The following HYAL2 variants were observed in gnomAD, a reference collection of about 807,000 sequenced individuals.
The protein encoded by HYAL2 is hyaluronidase 2, also known as hyaluronidase-2.
In HYAL2, 30 loss-of-function variants were observed where a neutral mutation model predicts 35.4. The ratio of observed to expected loss-of-function variants is 0.85; its 90% CI spans 0.63 to 1.15. HYAL2 has a LOEUF of 1.15. Ranked by LOEUF, HYAL2 falls within the 50% of genes most tolerant of loss-of-function variation. The probability of loss-of-function intolerance (pLI) is 0.00; values close to 1 mark genes in which losing one functional copy is unlikely to be tolerated. For synonymous variants in HYAL2, 262 were observed against 252.8 expected (o/e 1.04, Z -0.34); for missense variants, 635 against 646.5 (o/e 0.98, Z 0.19).
At position 50,318,798 on chromosome 3, in the gene HYAL2, G is replaced by A; in HGVS notation, c.1011+158C>T. ...CAGCATTTCCTCTTTCCTGAGAGCA[G>A]GGCCGGGGTGACCTCCTCCTGTTGC... On this transcript the variant is annotated intron_variant, in intron 3 of 3. Transcript: ENST00000357750. This position sits in a 1 kb window ranked among gnomAD's most constrained non-coding sequence, Gnocchi z 4.5. 1.4e-6 allele frequency: 1 copy of A among 721,178 alleles called. No homozygotes were observed. The highest frequency in any genetic ancestry group is 2.4e-6 in the Non-Finnish European group (1 of 417,962). 44.7% of individuals were successfully genotyped at this position (721,178 alleles called of 1,614,324 possible).
chr3:50,318,634 T>A lies in HYAL2; in HGVS notation c.1012-95A>T. 1 of 1,135,794 alleles carries A rather than the reference T, an allele frequency of 8.8e-7. No individual in the cohort carries two copies. 70.4% of individuals were successfully genotyped at this position (1,135,794 alleles called of 1,614,324 possible). A position where few individuals can be genotyped will look rare whatever the true frequency, so the allele number is the denominator to read the frequency against. On this transcript the variant is annotated intron_variant, in intron 3 of 3. Transcript: ENST00000357750. The surrounding 1 kb of genome is among the most constrained non-coding windows in gnomAD (Gnocchi z 4.5). ...TGTCCACACTGTGATGACTATACCTTATTTTAACTGCACACATTCATACAT... is the reference window on the plus strand; with the variant it reads ...TGTCCACACTGTGATGACTATACCTAATTTTAACTGCACACATTCATACAT...
In HYAL2 at chr3:50,317,915, C is replaced by T; in HGVS notation, c.*214G>A. On this transcript the variant is annotated 3_prime_UTR_variant, in exon 4 of 4. Coordinates refer to ENST00000357750, the MANE Select transcript of HYAL2 (RefSeq NM_003773.5). ...AGGTCCTCCCCAGCCCAGCTGTACC[C>T]TCCTTCCCCTCTGGCAGGGAGAGAA... 1.9e-6 allele frequency: 1 copy of T among 520,034 alleles called. No individual in the cohort carries two copies. Among genetic ancestry groups the T allele is most frequent in the Non-Finnish European group, 3.4e-6 (1 of 292,030 alleles). The allele number at this position is 520,034 out of a possible 1,614,324, so 32.2% of individuals were successfully genotyped here.
At position 50,318,988 on chromosome 3, in the gene HYAL2, G is replaced by A. The variant is rs782188386; in HGVS notation, c.979C>T (p.Leu327Phe). Residue 327 changes from leucine to phenylalanine, a missense_variant, in exon 3 of 4, where the codon CTC becomes TTC. Coordinates refer to ENST00000357750, the MANE Select transcript of HYAL2 (RefSeq NM_003773.5). This position sits in a 1 kb window ranked among gnomAD's most constrained non-coding sequence, Gnocchi z 4.5. ...SAALGAAGVILWGDAGYTTST... is the reference protein window; with the variant it reads ...SAALGAAGVIFWGDAGYTTST... ...GTGGTGTACCCCGCGTCACCCCAGA[G>A]GATGACACCAGCTGCGCCCAGGGCC... 1.2e-6 allele frequency: 2 copies of A among 1,613,160 alleles called. No homozygotes were observed. Among genetic ancestry groups the A allele is most frequent in the African/African-American group, 2.7e-5 (2 of 74,904 alleles).
Position 50,318,855 on chromosome 3 carries a change from A to G in HYAL2, c.1011+101T>C, listed in dbSNP as rs1553715974. The stretch of plus-strand genomic sequence containing the variant: ...GGATGCCTCGGGTGGGAGACAGACA[A>G]GGGGACCAGACTAGGATTGCCCACC... On this transcript the variant is annotated intron_variant, in intron 3 of 3. Transcript: ENST00000357750. The surrounding 1 kb of genome is among the most constrained non-coding windows in gnomAD (Gnocchi z 4.5). 4 of 1,029,546 alleles carry G rather than the reference A, an allele frequency of 3.9e-6. No homozygotes were observed. Among genetic ancestry groups the G allele is most frequent in the Non-Finnish European group, 4.5e-6 (3 of 660,352 alleles). 63.8% of individuals were successfully genotyped at this position (1,029,546 alleles called of 1,614,324 possible). A position where few individuals can be genotyped will look rare whatever the true frequency, so the allele number is the denominator to read the frequency against.
At position 50,319,981 on chromosome 3, in the gene HYAL2, C is replaced by A; in HGVS notation, c.509G>T (p.Arg170Leu). Residue 170 changes from arginine (R) to leucine (L), a missense_variant, in exon 2 of 4, where the codon CGC (arginine) becomes CTC (leucine). By Grantham distance (102) the Arg-to-Leu change is moderately radical. Transcript: ENST00000357750. ...CTCATATTGTGCCTGTTTGACTATG[C>A]GGTCTGGAGGCCAGTCAGGGTGACG... ...ASRHPDWPPD[R>L]IVKQAQYEFE... The A allele has an allele frequency of 1.9e-6, 3 of 1,613,416 alleles. No homozygotes were observed. Among genetic ancestry groups the A allele is most frequent in the Non-Finnish European group, 2.5e-6 (3 of 1,180,038 alleles).
chr3:50,320,561 G>A lies in HYAL2; in HGVS notation c.-46-26C>T. ...CTGGAAGAAGGGTTGGGGAGAACAAGTCAGTCTAGGGAATACTGGAAGTGC... is the reference window on the plus strand; with the variant it reads ...CTGGAAGAAGGGTTGGGGAGAACAAATCAGTCTAGGGAATACTGGAAGTGC... On this transcript the variant is annotated intron_variant, in intron 1 of 3. Transcript: ENST00000357750. The surrounding 1 kb of genome is among the most constrained non-coding windows in gnomAD (Gnocchi z 4.8). 7.4e-7 allele frequency: 1 copy of A among 1,355,546 alleles called. No homozygotes were observed. 84.0% of individuals were successfully genotyped at this position (1,355,546 alleles called of 1,614,324 possible).
chr3:50,321,592 T>G (rs1449941795), intron 1 of HYAL2: 2 of 152,124 alleles, frequency 1.3e-5, no homozygotes, highest in African/African-American at 4.8e-5. Flanking sequence ...GTGCCTCGTT[T>G]CGGGCTCGAA....
chr3:50,318,325 G>A lies in HYAL2; in HGVS notation c.1226C>T (p.Pro409Leu), dbSNP rs782378530. Residue 409 changes from proline (P) to leucine (L), a missense_variant, in exon 4 of 4, where the codon CCT becomes CTT. Transcript: ENST00000357750. The surrounding 1 kb of genome is among the most constrained non-coding windows in gnomAD (Gnocchi z 4.5). ...GTCGGCCCAACTGAGCTCCCCCACA[G>A]GTCGCAGCTGGGGTTCACCAGGTGC... is the stretch of plus-strand genomic sequence containing the variant. ...GHAPGEPQLRPVGELSWADID... is the reference protein window; with the variant it reads ...GHAPGEPQLRLVGELSWADID... The A allele has an allele frequency of 5.6e-6, 9 of 1,613,384 alleles. No individual in the cohort carries two copies. The East Asian group carries it at 1.6e-4, about 28-fold the overall frequency.
rs201520719 is a variant in HYAL2, at chr3:50,318,488, C to T, written c.1063G>A (p.Val355Met). ...TGGGTGGCCCAGGACACATTGACCA[C>T]GTAGGGGACCAGCAGCCGTGTCAGG... ...DYLTRLLVPYVVNVSWATQYC... is the reference protein window; with the variant it reads ...DYLTRLLVPYMVNVSWATQYC... The change falls in exon 4 of 4, where the codon GTG (valine) becomes ATG (methionine). Residue 355 changes from valine to methionine, a missense_variant. Transcript: ENST00000357750. This position sits in a 1 kb window ranked among gnomAD's most constrained non-coding sequence, Gnocchi z 4.5. The T allele has an allele frequency of 8.1e-6, 13 of 1,611,416 alleles. No homozygotes were observed. Among genetic ancestry groups the T allele is most frequent in the Admixed American group, 3.3e-5 (2 of 59,964 alleles).
At position 50,320,274 on chromosome 3, in the gene HYAL2, G is replaced by T; in HGVS notation, c.216C>A (p.Asn72Lys). Residue 72 changes from asparagine to lysine, a missense_variant, in exon 2 of 4, where the codon AAC becomes AAA. Transcript: ENST00000357750. This position sits in a 1 kb window ranked among gnomAD's most constrained non-coding sequence, Gnocchi z 4.8. ...CGCGGTAGAAGATGGTAATATTCTG[G>T]TTCACAAAACCCTCATTAGGTGAGG... ...VQASPNEGFV[N>K]QNITIFYRDR... 1.2e-6 allele frequency: 2 copies of T among 1,614,072 alleles called. No homozygotes were observed. The highest frequency in any genetic ancestry group is 1.7e-6 in the Non-Finnish European group (2 of 1,180,032).
chr3:50,318,837 T>TGGTGGCAACAGGAGGAGGTCACCC lies in HYAL2; in HGVS notation c.1011+118_1011+119insGGGTGACCTCCTCCTGTTGCCACC. 1.1e-6 allele frequency: 1 copy of TGGTGGCAACAGGAGGAGGTCACCC among 899,780 alleles called. No homozygotes were observed. The highest frequency in any genetic ancestry group is 1.8e-6 in the Non-Finnish European group (1 of 553,128). The allele number at this position is 899,780 out of a possible 1,614,324, so 55.7% of individuals were successfully genotyped here. Reference sequence around the variant, plus strand: ...TCCTCCTGTTGCCACCAGGGATGCCTCGGGTGGGAGACAGACAAGGGGACC... The same window carrying TGGTGGCAACAGGAGGAGGTCACCC: ...TCCTCCTGTTGCCACCAGGGATGCCTGGTGGCAACAGGAGGAGGTCACCCCGGGTGGGAGACAGACAAGGGGACC... On this transcript the variant is annotated intron_variant, in intron 3 of 3. Transcript: ENST00000357750. The surrounding 1 kb of genome is among the most constrained non-coding windows in gnomAD (Gnocchi z 4.5).
At position 50,320,929 on chromosome 3, in the gene HYAL2, G is replaced by C. The variant is rs1157841689; in HGVS notation, c.-46-394C>G. Reference sequence around the variant, plus strand: ...TGATCCAGAGAAACGACAGCATTTGGGTAAAGCAGGGAACAGCTCGTCAAG... The same window carrying C: ...TGATCCAGAGAAACGACAGCATTTGCGTAAAGCAGGGAACAGCTCGTCAAG... On this transcript the variant is annotated intron_variant, in intron 1 of 3. Coordinates refer to ENST00000357750, the MANE Select transcript of HYAL2 (RefSeq NM_003773.5). The surrounding 1 kb of genome is among the most constrained non-coding windows in gnomAD (Gnocchi z 4.8). 1 of 160,748 alleles carries C rather than the reference G, an allele frequency of 6.2e-6. No individual in the cohort carries two copies. The highest frequency in any genetic ancestry group is 1.3e-5 in the Non-Finnish European group (1 of 74,266). 10.0% of individuals were successfully genotyped at this position (160,748 alleles called of 1,614,324 possible).
chr3:50,321,421 C>A (rs1195588431), intron 1 of HYAL2: 4 of 152,182 alleles, frequency 2.6e-5, no homozygotes, highest in Admixed American at 6.5e-5. Context: ...CCGGGCCCAG[C>A]CCAGCCCGCT....
Position 50,319,859 on chromosome 3 carries a change from A to AG in HYAL2, c.630dup (p.Cys211LeufsTer5). ...TTCTGCACATAATCATGATTGTAGC[A>AG]GTCAGGAAAGAGGTAGAAGCCCCAG... is the stretch of plus-strand genomic sequence containing the variant. On this transcript the variant is annotated frameshift_variant, in exon 2 of 4. Transcript: ENST00000357750. LOFTEE classifies it high-confidence loss of function. 1 of 1,613,736 alleles carries AG rather than the reference A, an allele frequency of 6.2e-7. No individual in the cohort carries two copies. Among genetic ancestry groups the AG allele is most frequent in the Non-Finnish European group, 8.5e-7 (1 of 1,180,032 alleles).
chr3:50,319,568 C>A lies in HYAL2; in HGVS notation c.921+1G>T. Reference sequence around the variant, plus strand: ...AAAGGCAGGGCCCTGGAGACACATACCTCACTAAGCCCCGTGAGCCTGCGG... The same window carrying A: ...AAAGGCAGGGCCCTGGAGACACATAACTCACTAAGCCCCGTGAGCCTGCGG... On this transcript the variant is annotated splice_donor_variant, in intron 2 of 3. Coordinates refer to ENST00000357750, the MANE Select transcript of HYAL2 (RefSeq NM_003773.5). LOFTEE classifies it high-confidence loss of function. 3 of 1,607,280 alleles carry A rather than the reference C, an allele frequency of 1.9e-6. No homozygotes were observed. The highest frequency in any genetic ancestry group is 1.1e-5 in the South Asian group (1 of 90,658).
chr3:50,320,210 T>C lies in HYAL2; in HGVS notation c.280A>G (p.Arg94Gly). The change falls in exon 2 of 4, where the codon AGG (arginine) becomes GGG (glycine). Residue 94 changes from arginine to glycine, a missense_variant. Coordinates refer to ENST00000357750, the MANE Select transcript of HYAL2 (RefSeq NM_003773.5). This position sits in a 1 kb window ranked among gnomAD's most constrained non-coding sequence, Gnocchi z 4.8. ...TGTGGCACACCACCATGCACAGACC[T>C]TCCGGCAGAATCGAAGCGTGGATAC... The part of the protein sequence containing the change: ...GLYPRFDSAG[R>G]SVHGGVPQNV... 1.9e-6 allele frequency: 3 copies of C among 1,613,978 alleles called. No individual in the cohort carries two copies. The highest frequency in any genetic ancestry group is 2.5e-6 in the Non-Finnish European group (3 of 1,180,048).
chr3:50,319,575 A>G lies in HYAL2; in HGVS notation c.915T>C (p.Leu305=). The G allele has an allele frequency of 6.2e-7, 1 of 1,610,108 alleles. No individual in the cohort carries two copies. The highest frequency in any genetic ancestry group is 8.5e-7 in the Non-Finnish European group (1 of 1,177,408). The change falls in exon 2 of 4, where the codon CTT becomes CTC. Residue 305 remains leucine (L), a synonymous_variant. Transcript: ENST00000357750. ...RPTYSRRLTG[L]SEMDLISTIG... ...GGGCCCTGGAGACACATACCTCACT[A>G]AGCCCCGTGAGCCTGCGGCTGTAGG...
chr3:50,320,548 T>C lies in HYAL2; in HGVS notation c.-46-13A>G. ...ACCAGCTCAGGAACTGGAAGAAGGG[T>C]TGGGGAGAACAAGTCAGTCTAGGGA... is the stretch of plus-strand genomic sequence containing the variant. On this transcript the variant is annotated splice_polypyrimidine_tract_variant and intron_variant, in intron 1 of 3. Coordinates refer to ENST00000357750, the MANE Select transcript of HYAL2 (RefSeq NM_003773.5). The surrounding 1 kb of genome is among the most constrained non-coding windows in gnomAD (Gnocchi z 4.8). 1 of 1,426,100 alleles carries C rather than the reference T, an allele frequency of 7.0e-7. No individual in the cohort carries two copies. The highest frequency in any genetic ancestry group is 1.4e-5 in the African/African-American group (1 of 69,752). The allele number at this position is 1,426,100 out of a possible 1,614,324, so 88.3% of individuals were successfully genotyped here. A position where few individuals can be genotyped will look rare whatever the true frequency, so the allele number is the denominator to read the frequency against.
Position 50,318,022 on chromosome 3 carries a change from C to A in HYAL2, c.*107G>T. On this transcript the variant is annotated 3_prime_UTR_variant, in exon 4 of 4. Coordinates refer to ENST00000357750, the MANE Select transcript of HYAL2 (RefSeq NM_003773.5). The surrounding 1 kb of genome is among the most constrained non-coding windows in gnomAD (Gnocchi z 4.5). ...GATGCCCTCCTGGGCTTCCTGGGGG[C>A]TCTGCCCACTCCAGACTCCAGTTTG... The A allele has an allele frequency of 7.9e-7, 1 of 1,264,168 alleles. No homozygotes were observed. The highest frequency in any genetic ancestry group is 1.5e-5 in the South Asian group (1 of 67,732). The allele number at this position is 1,264,168 out of a possible 1,614,324, so 78.3% of individuals were successfully genotyped here. A position where few individuals can be genotyped will look rare whatever the true frequency, so the allele number is the denominator to read the frequency against.
Sources: allele counts gnomAD v4.1 joint callset, GRCh38; gene constraint gnomAD v4.1.1; non-coding constraint Gnocchi (gnomAD v3.1); transcripts MANE v1.5; gene names NCBI Gene and HGNC (gene_info 2026-07-23, HGNC 2026-07-21).